The following KCND3 variants were observed in gnomAD, a reference collection of about 807,000 sequenced individuals.
KCND3 encodes the protein A-type voltage-gated potassium channel KCND3.
A neutral mutation model predicts 51.1 loss-of-function variants in KCND3; 9 were observed. The ratio of observed to expected loss-of-function variants is 0.18; its 90% CI spans 0.11 to 0.31. The LOEUF is 0.31. Among genes scored for constraint, KCND3 ranks in the 10% least tolerant of loss-of-function variants. The pLI is 1.00. For missense variants in KCND3, 526 were observed against 903.8 expected (o/e 0.58, Z 5.36); for synonymous variants, 349 against 368.0 (o/e 0.95, Z 0.59).
At chr1:111,867,376 C>T (rs894562817) in intron 2 of KCND3, among the ~76,000 whole-genome samples, 1 of 152,182 alleles carries the variant, frequency 6.6e-6, no homozygotes, top group Non-Finnish European at 1.5e-5. Context: ...TCAGGATTTA[C>T]TGAAAACAGG....
intron 2 of KCND3, among the ~76,000 whole-genome samples, chr1:111,904,572 CA>C (rs1230633663): frequency 6.6e-6 from 1 of 152,170 alleles, no homozygotes; most frequent in Non-Finnish European, 1.5e-5. Flanking sequence ...CAGCCTCTTT[CA>C]AAGCTGTCCA....
intron 2 of KCND3, among the ~76,000 whole-genome samples, chr1:111,889,531 G>A (rs1428706761): frequency 6.6e-6 from 1 of 152,212 alleles, no homozygotes; most frequent in Non-Finnish European, 1.5e-5. Flanking sequence ...CACACCATCT[G>A]TGGGAAGGTA....
At chr1:111,859,078 T>C (rs2101685006) in intron 2 of KCND3, among the ~76,000 whole-genome samples, 1 of 152,272 alleles carries the variant, frequency 6.6e-6, no homozygotes, top group Non-Finnish European at 1.5e-5. Flanking sequence ...GAGTGACCTT[T>C]CAAAAAAGCA....
At chr1:111,846,305 A>G (rs1667545118) in intron 2 of KCND3, among the ~76,000 whole-genome samples, 1 of 152,202 alleles carries the variant, frequency 6.6e-6, no homozygotes, top group South Asian at 2.1e-4. Context: ...GCCACTGAAC[A>G]CACAGTTCCC....
At chr1:111,919,313 G>A (rs2101833824) in intron 2 of KCND3, among the ~76,000 whole-genome samples, 1 of 151,930 alleles carries the variant, frequency 6.6e-6, no homozygotes, top group East Asian at 1.9e-4. Flanking sequence ...ACCAAAGGGA[G>A]GCTGATGGTG....
chr1:111,817,890 A>G (rs1666168452), intron 2 of KCND3, among the ~76,000 whole-genome samples: 1 of 152,230 alleles, frequency 6.6e-6, no homozygotes, highest in Non-Finnish European at 1.5e-5. Flanking sequence ...GCATGCTCAT[A>G]AGAAGCTGTA....
At chr1:111,830,085 G>T (rs1244483216) in intron 2 of KCND3, among the ~76,000 whole-genome samples, 1 of 152,146 alleles carries the variant, frequency 6.6e-6, no homozygotes, top group South Asian at 2.1e-4. Flanking sequence ...TGGATCTATA[G>T]ATCTATATTC....
In KCND3 at chr1:111,849,214, C is replaced by T. The variant is rs145691763; in HGVS notation, c.1107-62108G>A. 4.4e-3 allele frequency among the ~76,000 whole-genome samples: 670 copies of T among 152,286 alleles called. 4 individuals carry two copies. Among genetic ancestry groups the T allele is most frequent in the African/African-American group, 0.015 (643 of 41,562 alleles). On this transcript the variant is annotated intron_variant, in intron 2 of 7. Transcript: ENST00000302127. ...CCCAAAGTGGGTGCTGCTACAATAC[C>T]ACCAAAAACTCCTCAGTGACTCTCG...
Position 111,774,326 on chromosome 1 carries a change from C to T in KCND3, c.*1751G>A, listed in dbSNP as rs533781423. On this transcript the variant is annotated 3_prime_UTR_variant, in exon 8 of 8. Coordinates refer to ENST00000302127, the MANE Select transcript of KCND3 (RefSeq NM_001378969.1). ...AGCTGTAGGATGGATAGGCAGCTCC[C>T]GAGGAGCTCATGTATTTCAGAGCCC... 151 of 152,300 alleles carry T rather than the reference C, an allele frequency of 9.9e-4. No homozygotes were observed. The highest frequency in any genetic ancestry group is 3.6e-3 in the African/African-American group (148 of 41,538). The allele number at this position is 152,300 out of a possible 1,614,324, so 9.4% of individuals were successfully genotyped here.
At chr1:111,893,626 C>T (rs1347725905) in intron 2 of KCND3, among the ~76,000 whole-genome samples, 3 of 152,216 alleles carry the variant, frequency 2.0e-5, no homozygotes, top group Non-Finnish European at 4.4e-5. Flanking sequence ...GTGCTTCACC[C>T]TCTGTTAGGT....
Position 111,982,733 on chromosome 1 carries a change from T to G in KCND3, c.-7A>C, listed in dbSNP as rs1482789300. 6.2e-7 allele frequency: 1 copy of G among 1,601,084 alleles called. No individual in the cohort carries two copies. The highest frequency in any genetic ancestry group is 2.2e-5 in the East Asian group (1 of 44,774). On this transcript the variant is annotated 5_prime_UTR_variant, in exon 2 of 8. Coordinates refer to ENST00000302127, the MANE Select transcript of KCND3 (RefSeq NM_001378969.1). The surrounding 1 kb of genome is among the most constrained non-coding windows in gnomAD (Gnocchi z 8.5). ...CCGCAACTCCGGCCGCCATGGTGAC[T>G]CCAGCTCTTGGGCCGGCAGCCGCGC...
At position 111,982,442 on chromosome 1, in the gene KCND3, G is replaced by A. The variant is rs772351147; in HGVS notation, c.285C>T (p.Leu95=). 6.2e-7 allele frequency: 1 copy of A among 1,613,972 alleles called. No homozygotes were observed. Among genetic ancestry groups the A allele is most frequent in the East Asian group, 2.2e-5 (1 of 44,856 alleles). ...DRDPEVFRCV[L]NFYRTGKLHY... ...GCAGCTTCCCCGTGCGGTAGAAGTTGAGCACGCAGCGGAACACCTCGGGGT... is the reference window on the plus strand; with the variant it reads ...GCAGCTTCCCCGTGCGGTAGAAGTTAAGCACGCAGCGGAACACCTCGGGGT... Residue 95 remains leucine (L), a synonymous_variant, in exon 2 of 8, where the codon CTC becomes CTT. Transcript: ENST00000302127. This position sits in a 1 kb window ranked among gnomAD's most constrained non-coding sequence, Gnocchi z 8.5.
At chr1:111,799,166 T>C (rs774378593) in intron 2 of KCND3, among the ~76,000 whole-genome samples, 3 of 151,680 alleles carry the variant, frequency 2.0e-5, no homozygotes, top group Middle Eastern at 3.4e-3. Context: ...ATTCTTAACC[T>C]AGGGCTTCAG....
chr1:111,806,902 A>T (rs1665596363), intron 2 of KCND3, among the ~76,000 whole-genome samples: 1 of 152,206 alleles, frequency 6.6e-6, no homozygotes, highest in Non-Finnish European at 1.5e-5. Flanking sequence ...TGGGGTCCTG[A>T]AGTGCTTTAC....
chr1:111,966,359 T>A (rs368530682), intron 2 of KCND3, among the ~76,000 whole-genome samples: 1 of 151,848 alleles, frequency 6.6e-6, no homozygotes. Flanking sequence ...AACAGGATAA[T>A]AGGGGAAGAA....
intron 2 of KCND3, among the ~76,000 whole-genome samples, chr1:111,941,338 C>G: frequency 6.6e-6 from 1 of 152,102 alleles, no homozygotes; most frequent in East Asian, 1.9e-4. Flanking sequence ...CCTCCTACCT[C>G]CCCACCTGCC....
chr1:111,791,827 C>T (rs139942380), intron 2 of KCND3, among the ~76,000 whole-genome samples: 189 of 152,182 alleles, frequency 1.2e-3, no homozygotes, highest in African/African-American at 4.1e-3. Flanking sequence ...TAATCAATGA[C>T]GTATAGCTGA....
chr1:111,970,120 G>A (rs991501380), intron 2 of KCND3, among the ~76,000 whole-genome samples: 1 of 151,852 alleles, frequency 6.6e-6, no homozygotes, highest in Non-Finnish European at 1.5e-5. Flanking sequence ...AGGTTCAAGA[G>A]ATTCTCCTGC....
At chr1:111,911,732 G>A (rs1455441846) in intron 2 of KCND3, among the ~76,000 whole-genome samples, 2 of 152,166 alleles carry the variant, frequency 1.3e-5, no homozygotes, top group African/African-American at 4.8e-5. Context: ...TTTCAGCCAT[G>A]ATAAAAAGAA....
Sources: gnomAD v4.1 joint callset for allele counts (sites outside exome capture counted in the v4.1 genomes callset) on GRCh38, gnomAD v4.1.1 for gene constraint, Gnocchi (gnomAD v3.1) non-coding constraint, MANE v1.5 for transcripts, NCBI Gene and HGNC (gene_info 2026-07-23, HGNC 2026-07-21) for gene names.